SHISA9: variants seen among roughly 807,000 people sequenced by gnomAD.
The protein encoded by SHISA9 is shisa family member 9.
A neutral mutation model predicts 38.0 loss-of-function variants in SHISA9; 13 were observed. That is an observed-to-expected ratio of 0.34 (90% CI 0.22 to 0.54). SHISA9 has a LOEUF of 0.54. SHISA9 is among the 20% of genes least tolerant of loss of function. The pLI is 0.91. For synonymous variants in SHISA9, 275 were observed against 242.0 expected (o/e 1.14, Z -1.27); for missense variants, 538 against 575.8 (o/e 0.93, Z 0.67).
intron 2 of SHISA9, among the ~76,000 whole-genome samples, chr16:13,150,043 A>C (rs1347454244): frequency 3.4e-5 from 5 of 148,748 alleles, no homozygotes; most frequent in African/African-American, 5.0e-5. Flanking sequence ...AAAAAAAAAA[A>C]AAAAAAAAAA....
chr16:12,942,425 G>T (rs2071623425), intron 2 of SHISA9, among the ~76,000 whole-genome samples: 1 of 152,160 alleles, frequency 6.6e-6, no homozygotes, highest in African/African-American at 2.4e-5. Flanking sequence ...TCTTCCAACT[G>T]CACAGAATCA....
chr16:13,399,158 G>A, the SHISA9 span, among the ~76,000 whole-genome samples: 1 of 151,940 alleles, frequency 6.6e-6, no homozygotes, highest in Non-Finnish European at 1.5e-5. Context: ...GGGACACTGA[G>A]GTGGGAGGAT....
chr16:13,138,112 A>G (rs2050366196), intron 2 of SHISA9, among the ~76,000 whole-genome samples: 1 of 152,192 alleles, frequency 6.6e-6, no homozygotes, highest in South Asian at 2.1e-4. Context: ...TGATGCCGCT[A>G]GTCCCTGGGC....
At chr16:13,371,404 C>A in the SHISA9 span, among the ~76,000 whole-genome samples, 1 of 152,192 alleles carries the variant, frequency 6.6e-6, no homozygotes, top group Non-Finnish European at 1.5e-5. Context: ...CTCCAAACGA[C>A]ATCATCTCTA....
chr16:13,007,314 G>C (rs914851876), intron 2 of SHISA9, among the ~76,000 whole-genome samples: 17 of 152,104 alleles, frequency 1.1e-4, no homozygotes, highest in African/African-American at 4.1e-4. Context: ...CAGAGATGGG[G>C]AACTCACCGT....
chr16:13,087,189 G>A (rs947098926), intron 2 of SHISA9, among the ~76,000 whole-genome samples: 2 of 136,378 alleles, frequency 1.5e-5, no homozygotes, highest in Non-Finnish European at 3.1e-5. Context: ...GGTATTCCAT[G>A]GTGTATACGT....
chr16:13,188,206 T>C (rs2050847079), intron 2 of SHISA9, among the ~76,000 whole-genome samples: 1 of 152,248 alleles, frequency 6.6e-6, no homozygotes, highest in Non-Finnish European at 1.5e-5. Flanking sequence ...ACCAAAATGT[T>C]GTTGCTAACC....
At chr16:13,395,968 A>G in the SHISA9 span, among the ~76,000 whole-genome samples, 1 of 152,138 alleles carries the variant, frequency 6.6e-6, no homozygotes, top group African/African-American at 2.4e-5. Flanking sequence ...TATATTCAGA[A>G]AAAAAATTAA....
At chr16:13,183,459 G>A (rs142265410) in intron 2 of SHISA9, among the ~76,000 whole-genome samples, 1 of 152,180 alleles carries the variant, frequency 6.6e-6, no homozygotes, top group South Asian at 2.1e-4. Context: ...CTCCAGCTTC[G>A]CTGATTTTCG....
At chr16:13,371,899 C>G in the SHISA9 span, among the ~76,000 whole-genome samples, 1 of 152,244 alleles carries the variant, frequency 6.6e-6, no homozygotes, top group Non-Finnish European at 1.5e-5. Context: ...AGGATTCCAA[C>G]TTGACTTCTC....
At chr16:13,258,981 C>T in the SHISA9 span, among the ~76,000 whole-genome samples, 7 of 152,256 alleles carry the variant, frequency 4.6e-5, no homozygotes, top group Middle Eastern at 3.4e-3. Flanking sequence ...AGTTCCCCAA[C>T]GTCTTAATTC....
At chr16:13,072,091 C>T (rs1421300227) in intron 2 of SHISA9, among the ~76,000 whole-genome samples, 1 of 152,342 alleles carries the variant, frequency 6.6e-6, no homozygotes, top group African/African-American at 2.4e-5. Flanking sequence ...GCCCCTGGTT[C>T]CAGCTCAGTC....
intron 2 of SHISA9, among the ~76,000 whole-genome samples, chr16:13,082,780 G>C (rs1380065266): frequency 1.3e-5 from 2 of 152,138 alleles, no homozygotes; most frequent in Non-Finnish European, 2.9e-5. Context: ...ATGTGTGGGT[G>C]GGGGGCTGAA....
At chr16:13,253,657 T>G in the SHISA9 span, among the ~76,000 whole-genome samples, 1 of 152,272 alleles carries the variant, frequency 6.6e-6, no homozygotes, top group South Asian at 2.1e-4. Context: ...AACCACCCCA[T>G]GATTCAATTA....
At chr16:13,532,339 G>C in the SHISA9 span, among the ~76,000 whole-genome samples, 2 of 152,166 alleles carry the variant, frequency 1.3e-5, no homozygotes, top group East Asian at 1.9e-4. Context: ...ACAGGGATAA[G>C]AGCAGAGGAA....
chr16:12,970,375 A>ATG (rs1567356926), intron 2 of SHISA9, among the ~76,000 whole-genome samples: 1 of 79,144 alleles, frequency 1.3e-5, no homozygotes, highest in Non-Finnish European at 2.3e-5. Flanking sequence ...ATATACATAT[A>ATG]TATATACATA....
chr16:13,478,811 T>C, the SHISA9 span, among the ~76,000 whole-genome samples: 1 of 152,200 alleles, frequency 6.6e-6, no homozygotes, highest in Non-Finnish European at 1.5e-5. Flanking sequence ...GACTTGGATC[T>C]AATGAATCCT....
At chr16:13,351,579 G>A in the SHISA9 span, among the ~76,000 whole-genome samples, 46 of 152,136 alleles carry the variant, frequency 3.0e-4, no homozygotes, top group African/African-American at 8.7e-4. Flanking sequence ...TGAATCCAAG[G>A]AGGATAAATC....
At chr16:12,921,533 G>A (rs891333646) in intron 2 of SHISA9, among the ~76,000 whole-genome samples, 3 of 152,146 alleles carry the variant, frequency 2.0e-5, no homozygotes, top group Non-Finnish European at 2.9e-5. Context: ...AGGCAAAGGC[G>A]GGAGGATCGT....
Sources: allele counts gnomAD v4.1 joint callset (sites outside exome capture counted in the v4.1 genomes callset), GRCh38; gene constraint gnomAD v4.1.1; transcripts MANE v1.5; gene names NCBI Gene and HGNC (gene_info 2026-07-23, HGNC 2026-07-21).